Variants in ANKIB1 observed in about 807,000 individuals in gnomAD.
ANKIB1 encodes ankyrin repeat and IBR domain-containing protein 1.
Under a neutral mutation model 122.1 loss-of-function variants are expected in ANKIB1, and 43 were observed. The observed-to-expected ratio is 0.35, with a 90% CI of 0.28 to 0.45. The LOEUF is 0.45. Among genes scored for constraint, ANKIB1 ranks in the 20% least tolerant of loss-of-function variants. The pLI is 1.00. For synonymous variants in ANKIB1, 390 were observed against 442.0 expected, an observed-to-expected ratio of 0.88 and a Z score of 1.48; for missense variants, 992 against 1,329.5, an observed-to-expected ratio of 0.75 and a Z score of 3.95.
intron 1 of ANKIB1, among the ~76,000 whole-genome samples, chr7:92,288,312 A>C: frequency 6.6e-6 from 1 of 152,236 alleles, no homozygotes; most frequent in Non-Finnish European, 1.5e-5. Context: ...CACCATTTGT[A>C]TGATGCAAAC....
At chr7:92,272,984 A>G (rs1801827941) in intron 1 of ANKIB1, among the ~76,000 whole-genome samples, 1 of 152,214 alleles carries the variant, frequency 6.6e-6, no homozygotes, top group Non-Finnish European at 1.5e-5. Flanking sequence ...ATATCAAAAC[A>G]TAGAAAAATT....
Position 92,307,569 on chromosome 7 carries a change from T to TGC in ANKIB1, c.400_401insCG (p.Glu134AlafsTer25). On this transcript the variant is annotated frameshift_variant, in exon 3 of 20. Coordinates refer to ENST00000265742, the MANE Select transcript of ANKIB1 (RefSeq NM_019004.2). LOFTEE classifies it high-confidence loss of function. ...GAGCAAAACTTGACCAGGGTGAATATGAGAGAGCAGCTATTGATGCTGTTG... is the reference window on the plus strand; with the variant it reads ...GAGCAAAACTTGACCAGGGTGAATATGCGAGAGAGCAGCTATTGATGCTGTTG... 1 of 1,613,670 alleles carries TGC rather than the reference T, an allele frequency of 6.2e-7. No homozygotes were observed. The highest frequency in any genetic ancestry group is 8.5e-7 in the Non-Finnish European group (1 of 1,179,870).
At chr7:92,313,732 A>G (rs1252006796) in intron 3 of ANKIB1, among the ~76,000 whole-genome samples, 2 of 152,160 alleles carry the variant, frequency 1.3e-5, no homozygotes, top group Non-Finnish European at 2.9e-5. Context: ...ACTTGTTATA[A>G]TAAACAAATT....
At chr7:92,359,876 G>A (rs926404907) in intron 9 of ANKIB1, among the ~76,000 whole-genome samples, 1 of 152,120 alleles carries the variant, frequency 6.6e-6, no homozygotes, top group Admixed American at 6.5e-5. Context: ...TTCTGCCTCA[G>A]CCTCCCGAGT....
At chr7:92,397,132 AAAG>A (rs1461131393) in intron 18 of ANKIB1, among the ~76,000 whole-genome samples, 1 of 152,206 alleles carries the variant, frequency 6.6e-6, no homozygotes, top group African/African-American at 2.4e-5. Context: ...CTTAACAAAA[AAAG>A]AGAAATGGAT....
In ANKIB1 at chr7:92,246,309, C is replaced by A. The variant is rs1361020967; in HGVS notation, c.-301C>A. On this transcript the variant is annotated 5_prime_UTR_variant, in exon 1 of 20. Coordinates refer to ENST00000265742, the MANE Select transcript of ANKIB1 (RefSeq NM_019004.2). ...GCGGGCGCCTTCGGCTCACGCAGCG[C>A]TTCCCGCGGGCCGCCAGTGCGCACC... 2 of 410,716 alleles carry A rather than the reference C, an allele frequency of 4.9e-6. No individual in the cohort carries two copies. The highest frequency in any genetic ancestry group is 4.8e-6 in the Non-Finnish European group (1 of 209,540). The allele number at this position is 410,716 out of a possible 1,614,324, so 25.4% of individuals were successfully genotyped here.
chr7:92,321,919 T>A (rs1249925763), intron 4 of ANKIB1, among the ~76,000 whole-genome samples: 3 of 152,194 alleles, frequency 2.0e-5, no homozygotes, highest in African/African-American at 4.8e-5. Flanking sequence ...CTTCACATGG[T>A]TATTTAATCC....
At chr7:92,248,268 A>G (rs1464119958) in intron 1 of ANKIB1, among the ~76,000 whole-genome samples, 3 of 152,000 alleles carry the variant, frequency 2.0e-5, no homozygotes, top group Admixed American at 2.0e-4. Context: ...TTCAATATGT[A>G]AGGAGTCTGA....
chr7:92,296,900 A>C (rs73414037), intron 2 of ANKIB1, among the ~76,000 whole-genome samples: 22,358 of 152,084 alleles, frequency 0.15, 2,062 homozygotes, highest in East Asian at 0.38. Flanking sequence ...TCTTTTATCT[A>C]ATTTTTTTGC....
rs1048822584 is a variant in ANKIB1, at chr7:92,295,184, C to G, written c.188+18C>G. On this transcript the variant is annotated intron_variant, in intron 2 of 19. Coordinates refer to ENST00000265742, the MANE Select transcript of ANKIB1 (RefSeq NM_019004.2). ...ATATTAGGGTAAGTATTACTATAAA[C>G]TAATTGGTATTAGGGTATTACCGTA... 1.3e-6 allele frequency: 2 copies of G among 1,505,550 alleles called. No individual in the cohort carries two copies. Among genetic ancestry groups the G allele is most frequent in the Non-Finnish European group, 1.8e-6 (2 of 1,121,000 alleles). 93.3% of individuals were successfully genotyped at this position (1,505,550 alleles called of 1,614,324 possible). A position where few individuals can be genotyped will look rare whatever the true frequency, so the allele number is the denominator to read the frequency against.
intron 7 of ANKIB1, chr7:92,347,942 C>A: frequency 4.6e-6 from 2 of 436,166 alleles, no homozygotes; most frequent in Non-Finnish European, 9.1e-6. Flanking sequence ...TATCATATTC[C>A]TAAGCATTGT....
chr7:92,390,184 AACC>A, intron 15 of ANKIB1, 68 bp downstream of exon 15: 2 of 1,198,864 alleles, frequency 1.7e-6, no homozygotes, highest in Non-Finnish European at 2.2e-6. Flanking sequence ...TCATTTTTGA[AACC>A]ACTTGTTTTA....
At position 92,286,886 on chromosome 7, in the gene ANKIB1, A is replaced by G. The variant is rs141912597; in HGVS notation, c.-90-8003A>G. ...TCTTTGAGAAAATACTATTTAGAAC[A>G]TATCCAGAATCCAGACAACTTCTCA... On this transcript the variant is annotated intron_variant, in intron 1 of 19. Coordinates refer to ENST00000265742, the MANE Select transcript of ANKIB1 (RefSeq NM_019004.2). Among the ~76,000 whole-genome samples, 348 of 152,328 alleles carry G rather than the reference A, an allele frequency of 2.3e-3. 2 individuals carry two copies. The highest frequency in any genetic ancestry group is 0.014 in the Middle Eastern group (4 of 294).
In ANKIB1 at chr7:92,307,499, A is replaced by C. The variant is rs775372275; in HGVS notation, c.329A>C (p.Asp110Ala). Residue 110 changes from aspartate (D) to alanine (A), a missense_variant, in exon 3 of 20, where the codon GAT (aspartate) becomes GCT (alanine). By Grantham distance (126) the Asp-to-Ala change is moderately radical (BLOSUM62 -2). Coordinates refer to ENST00000265742, the MANE Select transcript of ANKIB1 (RefSeq NM_019004.2). ...CGCTTGGCACGCCCCACAGAAGATG[A>C]TTTCAGAAGAGCAGATTGTCTGCAG... is the stretch of plus-strand genomic sequence containing the variant. ...HPRLARPTED[D>A]FRRADCLQMI... 1 of 1,613,966 alleles carries C rather than the reference A, an allele frequency of 6.2e-7. No individual in the cohort carries two copies. Among genetic ancestry groups the C allele is most frequent in the South Asian group, 1.1e-5 (1 of 91,080 alleles).
intron 7 of ANKIB1, among the ~76,000 whole-genome samples, chr7:92,347,490 A>C (rs899506800): frequency 6.6e-6 from 1 of 152,136 alleles, no homozygotes; most frequent in Non-Finnish European, 1.5e-5. Context: ...CTGTAGTCCT[A>C]GCTACTTGGG....
rs751265597 is a variant in ANKIB1, at chr7:92,307,362, T to C, written c.192T>C (p.Thr64=). 5 of 1,606,530 alleles carry C rather than the reference T, an allele frequency of 3.1e-6. No individual in the cohort carries two copies. The African/African-American group carries it at 4.0e-5, about 13-fold the overall frequency. Reference sequence around the variant, plus strand: ...TTTCCCTTTCTTTCCATTTTAGGACTTTTCTTGGTAGAGATGGAAATCCAA... The same window carrying C: ...TTTCCCTTTCTTTCCATTTTAGGACCTTTCTTGGTAGAGATGGAAATCCAA... ...ARHGMNKILG[T]FLGRDGNPNK... is the part of the protein sequence containing the mutation. Residue 64 remains threonine, a synonymous_variant, in exon 3 of 20, where the codon ACT becomes ACC. Transcript: ENST00000265742.
chr7:92,380,728 C>G lies in ANKIB1; in HGVS notation c.1618-5781C>G, dbSNP rs181815505. On this transcript the variant is annotated intron_variant, in intron 11 of 19. Transcript: ENST00000265742. ...TATCAACATCAACAAAAAAGGACAT[C>G]CACACCAAAACCCCATCTGTAGGTC... 5.9e-5 allele frequency among the ~76,000 whole-genome samples: 9 copies of G among 152,276 alleles called. No homozygotes were observed. The East Asian group carries it at 1.7e-3, about 29-fold the overall frequency.
At position 92,381,774 on chromosome 7, in the gene ANKIB1, C is replaced by T. The variant is rs192569132; in HGVS notation, c.1618-4735C>T. Reference sequence around the variant, plus strand: ...CATGGAAAGGAACAACTGGTACCAGCCACTGCCAAAACATGCCAAATTGTA... The same window carrying T: ...CATGGAAAGGAACAACTGGTACCAGTCACTGCCAAAACATGCCAAATTGTA... On this transcript the variant is annotated intron_variant, in intron 11 of 19. Transcript: ENST00000265742. Among the ~76,000 whole-genome samples, 20 of 152,258 alleles carry T rather than the reference C, an allele frequency of 1.3e-4. No homozygotes were observed. The East Asian group carries it at 3.9e-3, about 29-fold the overall frequency.
intron 10 of ANKIB1, among the ~76,000 whole-genome samples, chr7:92,364,602 T>G (rs754423458): frequency 6.6e-6 from 1 of 152,190 alleles, no homozygotes; most frequent in Non-Finnish European, 1.5e-5. Context: ...TTTCTTTATA[T>G]ATTTCTTTAG....
Sources: gnomAD v4.1 joint callset for allele counts (sites outside exome capture counted in the v4.1 genomes callset) on GRCh38, gnomAD v4.1.1 for gene constraint, MANE v1.5 for transcripts, NCBI Gene and HGNC (gene_info 2026-07-23, HGNC 2026-07-21) for gene names.